LCLAT1: variants seen among roughly 807,000 people sequenced by gnomAD.
The protein encoded by LCLAT1 is 1-AGP acyltransferase 8.
Under a neutral mutation model 30.7 loss-of-function variants are expected in LCLAT1, and 11 were observed. The ratio of observed to expected loss-of-function variants is 0.36; its 90% CI spans 0.23 to 0.59. The LOEUF is 0.59. LCLAT1 is among the 20% of genes least tolerant of loss of function. The probability of loss-of-function intolerance (pLI) is 0.77; values close to 1 mark genes in which losing one functional copy is unlikely to be tolerated. For missense variants in LCLAT1, 402 were observed against 458.6 expected, an observed-to-expected ratio of 0.88 and a Z score of 1.13; for synonymous variants, 155 against 151.3, an observed-to-expected ratio of 1.02 and a Z score of -0.18.
At chr2:30,631,368 A>G (rs1203247782) in intron 5 of LCLAT1, among the ~76,000 whole-genome samples, 6 of 152,196 alleles carry the variant, frequency 3.9e-5, no homozygotes, top group Non-Finnish European at 7.3e-5. Flanking sequence ...AGTAACGGAT[A>G]TAGGGTTGCC....
chr2:30,570,692 T>C (rs983534199), intron 5 of LCLAT1, among the ~76,000 whole-genome samples: 1 of 152,206 alleles, frequency 6.6e-6, no homozygotes, highest in East Asian at 1.9e-4. Flanking sequence ...TTTCTAACAC[T>C]AGTGAGCTGG....
intron 3 of LCLAT1, among the ~76,000 whole-genome samples, chr2:30,534,522 C>T (rs1686145578): frequency 1.3e-5 from 2 of 152,182 alleles, no homozygotes; most frequent in East Asian, 3.9e-4. Flanking sequence ...TCGTAAGCCG[C>T]CTGCGTTGGC....
At chr2:30,612,992 G>C (rs1572698055) in intron 5 of LCLAT1, among the ~76,000 whole-genome samples, 1 of 152,274 alleles carries the variant, frequency 6.6e-6, no homozygotes, top group East Asian at 1.9e-4. Context: ...TCAAGGAAGA[G>C]GGAAGACTGA....
At chr2:30,573,032 TG>T (rs1665850686) in intron 5 of LCLAT1, among the ~76,000 whole-genome samples, 1 of 152,210 alleles carries the variant, frequency 6.6e-6, no homozygotes, top group African/African-American at 2.4e-5. Context: ...TTCTCAATAC[TG>T]GTTCATTTTT....
At chr2:30,542,494 C>T (rs930046241) in intron 3 of LCLAT1, among the ~76,000 whole-genome samples, 2 of 152,102 alleles carry the variant, frequency 1.3e-5, no homozygotes, top group African/African-American at 2.4e-5. Flanking sequence ...AGTGTTATTT[C>T]ATCAATGTCA....
intron 1 of LCLAT1, among the ~76,000 whole-genome samples, chr2:30,512,177 T>C (rs1280190125): frequency 6.6e-6 from 1 of 152,174 alleles, no homozygotes; most frequent in East Asian, 1.9e-4. Context: ...TTTAGTTTTG[T>C]TTTTAGTTTT....
At chr2:30,528,134 G>A (rs927773211) in intron 2 of LCLAT1, among the ~76,000 whole-genome samples, 3 of 152,208 alleles carry the variant, frequency 2.0e-5, no homozygotes, top group Non-Finnish European at 4.4e-5. Context: ...TGACTCACGT[G>A]TGTAGTACAT....
At chr2:30,488,618 G>GT (rs1171716960) in intron 1 of LCLAT1, among the ~76,000 whole-genome samples, 3 of 152,074 alleles carry the variant, frequency 2.0e-5, no homozygotes, top group Non-Finnish European at 4.4e-5. Flanking sequence ...ATTCTCTTTC[G>GT]TTTTTTCCTC....
At chr2:30,500,288 C>G (rs891490415) in intron 1 of LCLAT1, among the ~76,000 whole-genome samples, 3 of 152,054 alleles carry the variant, frequency 2.0e-5, no homozygotes, top group Non-Finnish European at 4.4e-5. Flanking sequence ...AGAAATAGAT[C>G]TCTTATTTCT....
chr2:30,557,304 G>A (rs1558517941), intron 3 of LCLAT1, among the ~76,000 whole-genome samples: 3 of 151,322 alleles, frequency 2.0e-5, no homozygotes, highest in Non-Finnish European at 4.4e-5. Flanking sequence ...GTGTGTGTGT[G>A]TGTGTGTGTG....
chr2:30,636,544 CCACAG>C (rs1284695102), intron 5 of LCLAT1, among the ~76,000 whole-genome samples: 6 of 152,090 alleles, frequency 3.9e-5, no homozygotes, highest in African/African-American at 1.4e-4. Flanking sequence ...CAGTCTGTGT[CCACAG>C]CCCTCCCTCC....
At chr2:30,486,458 T>TA (rs1683560405) in intron 1 of LCLAT1, among the ~76,000 whole-genome samples, 1 of 152,310 alleles carries the variant, frequency 6.6e-6, no homozygotes, top group Non-Finnish European at 1.5e-5. Flanking sequence ...TAACCACCCT[T>TA]ACTCTTCTCT....
At chr2:30,635,226 TTA>T (rs1013723726) in intron 5 of LCLAT1, among the ~76,000 whole-genome samples, 9 of 145,808 alleles carry the variant, frequency 6.2e-5, no homozygotes, top group East Asian at 2.1e-4. Flanking sequence ...ACCCCTGTCT[TTA>T]TATATATATA....
intron 1 of LCLAT1, among the ~76,000 whole-genome samples, chr2:30,483,373 A>T (rs1457603536): frequency 6.6e-6 from 1 of 152,222 alleles, no homozygotes; most frequent in South Asian, 2.1e-4. Flanking sequence ...AAAAAAGTTT[A>T]TTAAGAAAAA....
rs1665579014 is a variant in LCLAT1 at position 30,568,055 on chromosome 2, T to C, written c.512-5T>C. ...TGATTTATAATGGTCCATTGTTTTG[T>C]TTAGAAAACAGCAAGTCTCGAAGTA... On this transcript the variant is annotated splice_polypyrimidine_tract_variant and splice_region_variant and intron_variant, in intron 4 of 5. Transcript: ENST00000379509. The C allele has an allele frequency of 5.5e-6, 8 of 1,466,090 alleles. No homozygotes were observed. The highest frequency in any genetic ancestry group is 7.6e-6 in the Non-Finnish European group (8 of 1,053,670). 90.8% of individuals were successfully genotyped at this position (1,466,090 alleles called of 1,614,324 possible).
At chr2:30,513,119 G>A (rs924408885) in intron 1 of LCLAT1, among the ~76,000 whole-genome samples, 1 of 151,978 alleles carries the variant, frequency 6.6e-6, no homozygotes, top group Non-Finnish European at 1.5e-5. Context: ...TTTCTAATGA[G>A]ATAGAAGGAA....
chr2:30,569,582 C>T (rs1665679536), intron 5 of LCLAT1, among the ~76,000 whole-genome samples: 1 of 143,502 alleles, frequency 7.0e-6, no homozygotes, highest in South Asian at 2.3e-4. Context: ...CATGAAAAGT[C>T]TTGAACCATT....
At chr2:30,590,823 G>A (rs530104378) in intron 5 of LCLAT1, among the ~76,000 whole-genome samples, 30 of 152,032 alleles carry the variant, frequency 2.0e-4, no homozygotes, top group African/African-American at 6.5e-4. Context: ...GTTCAAAGGC[G>A]TTAAATATCA....
chr2:30,473,319 A>G (rs1292184201), intron 1 of LCLAT1, among the ~76,000 whole-genome samples: 3 of 152,148 alleles, frequency 2.0e-5, no homozygotes, highest in Admixed American at 1.3e-4. Context: ...TATGCTTCTT[A>G]TAGTAAAAGG....
Sources: allele counts gnomAD v4.1 joint callset (sites outside exome capture counted in the v4.1 genomes callset), GRCh38; gene constraint gnomAD v4.1.1; transcripts MANE v1.5; gene names NCBI Gene and HGNC (gene_info 2026-07-23, HGNC 2026-07-21).